FMNL2: variants seen among roughly 807,000 people sequenced by gnomAD.
FMNL2 encodes the protein formin-like protein 2.
FMNL2 carries 51 observed loss-of-function variants against 130.2 expected under a neutral mutation model. The observed-to-expected ratio is 0.39, with a 90% CI of 0.31 to 0.49. The LOEUF (loss-of-function observed/expected upper bound fraction) is 0.49. FMNL2 is among the 20% of genes least tolerant of loss of function. FMNL2 has a pLI of 0.85. For missense variants in FMNL2, 977 were observed against 1,316.2 expected (o/e 0.74, Z 3.99); for synonymous variants, 465 against 467.1 (o/e 1.00, Z 0.06).
intron 1 of FMNL2, among the ~76,000 whole-genome samples, chr2:152,395,045 G>A (rs1393614924): frequency 6.6e-6 from 1 of 152,180 alleles, no homozygotes; most frequent in African/African-American, 2.4e-5. Context: ...AACCAGGAAT[G>A]CTGTTAGAGT....
At chr2:152,611,473 C>T in intron 10 of FMNL2, 22 bp from the exon 11 acceptor site, 1 of 1,470,870 alleles carries the variant, frequency 6.8e-7, no homozygotes, top group South Asian at 1.2e-5. Flanking sequence ...GCCCATCTAA[C>T]CCCTTGACAA....
intron 4 of FMNL2, among the ~76,000 whole-genome samples, chr2:152,552,794 A>C (rs1314017340): frequency 5.3e-5 from 8 of 152,220 alleles, no homozygotes; most frequent in Non-Finnish European, 1.0e-4. Context: ...GGCAGATGCC[A>C]TGGTGCTTAA....
chr2:152,623,865 A>G (rs1380304732), intron 15 of FMNL2, among the ~76,000 whole-genome samples: 2 of 151,818 alleles, frequency 1.3e-5, no homozygotes, highest in Admixed American at 6.6e-5. Context: ...GGCACTCCCC[A>G]TAGTCCCTTA....
chr2:152,635,722 C>A (rs898027171), intron 21 of FMNL2, among the ~76,000 whole-genome samples: 1 of 152,144 alleles, frequency 6.6e-6, no homozygotes, highest in Non-Finnish European at 1.5e-5. Context: ...AGTGCCTGCC[C>A]CGGGAGGGGC....
At chr2:152,436,816 T>C (rs539514964) in intron 1 of FMNL2, among the ~76,000 whole-genome samples, 1 of 152,238 alleles carries the variant, frequency 6.6e-6, no homozygotes, top group Admixed American at 6.5e-5. Flanking sequence ...GTTCATAGTA[T>C]GAAGGGGGAA....
chr2:152,614,316 G>T (rs537128633), intron 11 of FMNL2, among the ~76,000 whole-genome samples: 10 of 152,254 alleles, frequency 6.6e-5, no homozygotes, highest in Non-Finnish European at 1.3e-4. Flanking sequence ...GGGGGAAAAT[G>T]TGTGTGCATT....
intron 1 of FMNL2, among the ~76,000 whole-genome samples, chr2:152,371,816 G>A (rs1683902209): frequency 6.6e-6 from 1 of 151,934 alleles, no homozygotes; most frequent in Admixed American, 6.6e-5. Flanking sequence ...TGGTTTTCTA[G>A]GAAGAGGAAG....
intron 1 of FMNL2, among the ~76,000 whole-genome samples, chr2:152,439,625 T>C (rs1393160246): frequency 6.6e-6 from 1 of 151,992 alleles, no homozygotes; most frequent in African/African-American, 2.4e-5. Flanking sequence ...TAAATGAATA[T>C]CTGTGTAATG....
chr2:152,594,908 C>T lies in FMNL2; in HGVS notation c.877-12431C>T, dbSNP rs72869585. Among the ~76,000 whole-genome samples, 461 of 152,230 alleles carry T rather than the reference C, an allele frequency of 3.0e-3. 1 individual carries two copies. The highest frequency in any genetic ancestry group is 4.4e-3 in the Admixed American group (68 of 15,294). ...ACTAGAAGAAAATAGCCCAGTGGTT[C>T]CTACTTATGGTCCAACAGTCACTGT... On this transcript the variant is annotated intron_variant, in intron 9 of 25. Coordinates refer to ENST00000288670, the MANE Select transcript of FMNL2 (RefSeq NM_052905.4).
chr2:152,624,074 CACTCAATTCCCTTCG>C (rs1236065031), intron 15 of FMNL2, among the ~76,000 whole-genome samples: 157 of 2,254 alleles, frequency 0.07, 20 homozygotes, highest in Non-Finnish European at 0.09. Context: ...CCCTCCCCTC[CACTCAATTCCCTTCG>C]CCTCCCCTCC....
chr2:152,571,389 G>A (rs1696161146), intron 6 of FMNL2, among the ~76,000 whole-genome samples: 1 of 152,198 alleles, frequency 6.6e-6, no homozygotes, highest in African/African-American at 2.4e-5. Context: ...ATCCATGGGA[G>A]TCCATGGAGA....
intron 1 of FMNL2, among the ~76,000 whole-genome samples, chr2:152,435,552 T>G (rs1687708344): frequency 6.6e-6 from 1 of 151,590 alleles, no homozygotes; most frequent in Non-Finnish European, 1.5e-5. Flanking sequence ...TATTAGGATA[T>G]TAGGAAGAAC....
chr2:152,352,715 T>A (rs1266892073), intron 1 of FMNL2, among the ~76,000 whole-genome samples: 2 of 85,648 alleles, frequency 2.3e-5, no homozygotes, highest in African/African-American at 6.1e-5. Flanking sequence ...GATCAAATCT[T>A]TTTTTTTTTT....
chr2:152,426,518 G>T (rs982373144), intron 1 of FMNL2, among the ~76,000 whole-genome samples: 1 of 152,154 alleles, frequency 6.6e-6, no homozygotes, highest in Non-Finnish European at 1.5e-5. Flanking sequence ...ATCTCACTTT[G>T]TCACGTCACA....
chr2:152,354,377 TTTGA>T (rs72281563), intron 1 of FMNL2, among the ~76,000 whole-genome samples: 13,352 of 152,128 alleles, frequency 0.088, 655 homozygotes, highest in African/African-American at 0.13. Context: ...TGGTTTTCTG[TTTGA>T]TTAACAGCAT....
intron 1 of FMNL2, among the ~76,000 whole-genome samples, chr2:152,378,718 C>G (rs567845996): frequency 1.1e-4 from 17 of 152,136 alleles, no homozygotes; most frequent in Non-Finnish European, 1.9e-4. Context: ...CATGACCTGT[C>G]TGCCTTATTG....
At chr2:152,532,834 C>T (rs376419179) in intron 2 of FMNL2, among the ~76,000 whole-genome samples, 7 of 152,112 alleles carry the variant, frequency 4.6e-5, no homozygotes, top group African/African-American at 1.7e-4. Context: ...TCTCAAACTC[C>T]TGACCTCAAG....
At chr2:152,524,147 A>C (rs1693255447) in intron 2 of FMNL2, among the ~76,000 whole-genome samples, 1 of 152,250 alleles carries the variant, frequency 6.6e-6, no homozygotes, top group Non-Finnish European at 1.5e-5. Flanking sequence ...GTAATAATTC[A>C]GTGGTACTAA....
At chr2:152,433,475 C>T (rs1391477518) in intron 1 of FMNL2, among the ~76,000 whole-genome samples, 5 of 152,180 alleles carry the variant, frequency 3.3e-5, no homozygotes. Flanking sequence ...CTTCTCTTCT[C>T]TTCCCACCAC....
Sources: allele counts gnomAD v4.1 joint callset (sites outside exome capture counted in the v4.1 genomes callset), GRCh38; gene constraint gnomAD v4.1.1; transcripts MANE v1.5; gene names NCBI Gene and HGNC (gene_info 2026-07-23, HGNC 2026-07-21).